Variants in TEX11 observed in about 807,000 individuals in gnomAD.
The protein encoded by TEX11 is testis expressed 11, also known as testis-expressed protein 11.
Under a neutral mutation model 84.4 loss-of-function variants are expected in TEX11, and 7 were observed. That is an observed-to-expected ratio of 0.08 (90% CI 0.05 to 0.16). The LOEUF (loss-of-function observed/expected upper bound fraction) is 0.16. Among genes scored for constraint, TEX11 ranks in the 10% least tolerant of loss-of-function variants. The probability of loss-of-function intolerance (pLI) is 1.00; values close to 1 mark genes in which losing one functional copy is unlikely to be tolerated. For synonymous variants in TEX11, 264 were observed against 222.8 expected (o/e 1.18, Z -1.64); for missense variants, 551 against 660.5 (o/e 0.83, Z 1.82).
At chrX:70,539,038 A>T (rs866666623) in intron 28 of TEX11, among the ~76,000 whole-genome samples, 1,360 of 41,253 alleles carry the variant, frequency 0.033, 34 homozygotes, top group African/African-American at 0.066. Context: ...ATATATATAT[A>T]TTTTTTTTTT....
At chrX:70,562,265 A>G (rs1365295063) in intron 25 of TEX11, among the ~76,000 whole-genome samples, 1 of 111,273 alleles carries the variant, frequency 9.0e-6, no homozygotes, top group Non-Finnish European at 1.9e-5. Context: ...TTAGGCTCTT[A>G]TCTTTTTTTT....
chrX:70,673,958 CAT>C (rs1218348166), intron 15 of TEX11, among the ~76,000 whole-genome samples: 1 of 110,244 alleles, frequency 9.1e-6, no homozygotes, highest in Non-Finnish European at 1.9e-5. Flanking sequence ...TAGGTAAACA[CAT>C]GTCACAGGGG....
intron 4 of TEX11, among the ~76,000 whole-genome samples, chrX:70,872,079 T>C (rs1486276994): frequency 2.7e-5 from 3 of 111,567 alleles, no homozygotes; most frequent in Non-Finnish European, 3.8e-5. Flanking sequence ...CCCTATCTGA[T>C]AAGCAGTAAA....
intron 28 of TEX11, among the ~76,000 whole-genome samples, chrX:70,539,042 T>A (rs201376454): frequency 6.3e-4 from 13 of 20,756 alleles, no homozygotes; most frequent in Non-Finnish European, 1.7e-3. Context: ...ATATATATTT[T>A]TTTTTTTTTT....
rs772367315 is a variant in TEX11 at position 70,888,149 on chromosome X, T to C, written c.38-8040A>G. Among the ~76,000 whole-genome samples the C allele has an allele frequency of 3.6e-5, 4 of 112,387 alleles. 1 individual carries two copies. The highest frequency in any genetic ancestry group is 2.8e-4 in the Admixed American group (3 of 10,600). On this transcript the variant is annotated intron_variant, in intron 2 of 29. Transcript: ENST00000374333. The stretch of plus-strand genomic sequence containing the variant: ...AAAGATTGCAATAAAGACCTAACTC[T>C]TCAATGCCCAGACACCAAAGAACAT...
At position 70,656,289 on chromosome X, in the gene TEX11, A is replaced by G. The variant is rs779013369; in HGVS notation, c.1381-4737T>C. On this transcript the variant is annotated intron_variant, in intron 16 of 29. Transcript: ENST00000374333. ...AAAAATTTTTTTAAATTAGCCAGGC[A>G]TGGTGGTGCATGCCTGTGGTCCCAG... Among the ~76,000 whole-genome samples the G allele has an allele frequency of 6.4e-5, 7 of 109,082 alleles. No homozygotes were observed. In the South Asian group the frequency reaches 2.9e-3, roughly 45 times the overall value. The allele number at this position is 109,082 out of a possible 115,157, so 94.7% of individuals were successfully genotyped here.
chrX:70,721,838 G>C (rs1271617719), intron 13 of TEX11, among the ~76,000 whole-genome samples: 1 of 111,853 alleles, frequency 8.9e-6, no homozygotes, highest in African/African-American at 3.2e-5. Flanking sequence ...AAAGTTTGCA[G>C]ACCCCTGAAT....
chrX:70,852,851 C>A (rs111489459), intron 7 of TEX11, among the ~76,000 whole-genome samples, 183 bp downstream of exon 7: 2,501 of 111,373 alleles, frequency 0.022, 47 homozygotes, highest in African/African-American at 0.076. Flanking sequence ...CTTAGCCACC[C>A]CATAGATTCC....
intron 9 of TEX11, among the ~76,000 whole-genome samples, chrX:70,796,523 A>C (rs939593387): frequency 1.8e-5 from 2 of 112,180 alleles, no homozygotes; most frequent in African/African-American, 6.5e-5. Flanking sequence ...AAGCCAAAGA[A>C]GACTACCTTG....
intron 2 of TEX11, among the ~76,000 whole-genome samples, chrX:70,896,320 T>C (rs2091765954): frequency 8.9e-6 from 1 of 112,592 alleles, no homozygotes; most frequent in African/African-American, 3.2e-5. Context: ...CACAATGAGA[T>C]ACCATCTCAC....
At chrX:70,616,600 T>C (rs893299768) in intron 20 of TEX11, among the ~76,000 whole-genome samples, 1 of 111,778 alleles carries the variant, frequency 8.9e-6, no homozygotes, top group Non-Finnish European at 1.9e-5. Context: ...CTATTCACAA[T>C]AGCCAAGATT....
chrX:70,711,566 T>C, intron 13 of TEX11, among the ~76,000 whole-genome samples: 1 of 112,442 alleles, frequency 8.9e-6, no homozygotes, highest in Non-Finnish European at 1.9e-5. Flanking sequence ...TTCACGTGTC[T>C]TTTGGCTGCA....
intron 10 of TEX11, among the ~76,000 whole-genome samples, chrX:70,742,787 C>A (rs1316555862): frequency 9.1e-6 from 1 of 110,461 alleles, no homozygotes; most frequent in Non-Finnish European, 1.9e-5. Context: ...AGTGGCTATT[C>A]ACAGGCATGA....
At chrX:70,552,026 A>G in intron 28 of TEX11, 100 bp downstream of exon 28, 1 of 926,089 alleles carries the variant, frequency 1.1e-6, no homozygotes. Context: ...ATTTATCCTA[A>G]AACTCATATC....
chrX:70,565,305 C>T lies in TEX11; in HGVS notation c.2141-10505G>A, dbSNP rs1178344315. On this transcript the variant is annotated intron_variant, in intron 25 of 29. Transcript: ENST00000374333. ...TTCTTTGTAGATTCTGGATATTAGC[C>T]CTTTGTCAGATGAGTAGGTTGTGAA... is the stretch of plus-strand genomic sequence containing the variant. Among the ~76,000 whole-genome samples the T allele has an allele frequency of 1.5e-4, 16 of 107,960 alleles. 1 individual carries two copies. Among genetic ancestry groups the T allele is most frequent in the Admixed American group, 5.9e-4 (6 of 10,104 alleles). 93.8% of individuals were successfully genotyped at this position (107,960 alleles called of 115,157 possible).
the TEX11 span, among the ~76,000 whole-genome samples, chrX:70,515,053 A>G: frequency 2.2e-5 from 2 of 90,791 alleles, no homozygotes; most frequent in African/African-American, 8.0e-5. Context: ...GGGCAACAAG[A>G]GTGAAACTCG....
chrX:70,547,935 C>G (rs1213794768), intron 28 of TEX11, among the ~76,000 whole-genome samples: 5 of 111,821 alleles, frequency 4.5e-5, no homozygotes, highest in Non-Finnish European at 9.4e-5. Context: ...ACCCAAAGGG[C>G]TATAAATCAT....
At chrX:70,720,216 G>A (rs1328130475) in intron 13 of TEX11, among the ~76,000 whole-genome samples, 2 of 111,574 alleles carry the variant, frequency 1.8e-5, no homozygotes, top group African/African-American at 6.5e-5. Context: ...CCTGTCCTAT[G>A]TAGGGACATG....
intron 24 of TEX11, among the ~76,000 whole-genome samples, chrX:70,599,830 C>A (rs1157847431): frequency 1.9e-5 from 2 of 107,598 alleles, no homozygotes; most frequent in Non-Finnish European, 3.9e-5. Flanking sequence ...TCATCCATGT[C>A]CCTACAAAGG....
Sources: allele counts gnomAD v4.1 joint callset (sites outside exome capture counted in the v4.1 genomes callset), GRCh38; gene constraint gnomAD v4.1.1; transcripts MANE v1.5; gene names NCBI Gene and HGNC (gene_info 2026-07-23, HGNC 2026-07-21).